The following TMEM134 variants were observed in gnomAD, a reference collection of about 807,000 sequenced individuals.
The protein encoded by TMEM134 is transmembrane protein 134.
Under a neutral mutation model 26.2 loss-of-function variants are expected in TMEM134, and 36 were observed. The ratio of observed to expected loss-of-function variants is 1.37; its 90% CI spans 1.05 to 1.81. The LOEUF (loss-of-function observed/expected upper bound fraction) is 1.81, where lower values mean the gene tolerates loss of function less well. TMEM134 is among the 40% of genes most tolerant of loss of function. TMEM134 has a pLI of 0.00. For missense variants in TMEM134, 339 were observed against 263.5 expected (o/e 1.29, Z -1.98); for synonymous variants, 133 against 113.6 (o/e 1.17, Z -1.08).
chr11:67,468,148 C>T (rs1865399700), intron 1 of TMEM134, 56 bp from the exon 2 acceptor site: 3 of 1,497,892 alleles, frequency 2.0e-6, no homozygotes, highest in African/African-American at 2.8e-5. Flanking sequence ...TTCCTCACTC[C>T]CTCCCGGGAA....
At position 67,467,364 on chromosome 11, in the gene TMEM134, C is replaced by T; in HGVS notation, c.354G>A (p.Gln118=). The T allele has an allele frequency of 6.2e-7, 1 of 1,613,870 alleles. No homozygotes were observed. The highest frequency in any genetic ancestry group is 8.5e-7 in the Non-Finnish European group (1 of 1,179,908). The change falls in exon 4 of 7, where the codon CAG becomes CAA. Residue 118 remains glutamine (Q), a synonymous_variant. Coordinates refer to ENST00000308022, the MANE Select transcript of TMEM134 (RefSeq NM_025124.4). ...CCSWTQHPLI[Q]KNRRVVLASF... is the part of the protein sequence containing the mutation. ...AGGCCAGCACCACTCGGCGGTTCTT[C>T]TGGATCAAAGGGTGTTGGGTCCAGC... is the stretch of plus-strand genomic sequence containing the variant.
rs764143262 is a variant in TMEM134, at chr11:67,469,038, T to C, written c.155A>G (p.Gln52Arg). The change falls in exon 1 of 7, where the codon CAG becomes CGG. Residue 52 changes from glutamine (Q) to arginine (R), a missense_variant. Coordinates refer to ENST00000308022, the MANE Select transcript of TMEM134 (RefSeq NM_025124.4). ...ARFEVADEDK[Q>R]SRLRYQNLEN... ...GTTCACCTGGTAGCGCAGCCGGGAC[T>C]GCTTGTCCTCGTCAGCCACCTCGAA... 2.4e-4 allele frequency: 362 copies of C among 1,513,186 alleles called. 3 individuals carry two copies. The Admixed American group carries it at 7.2e-3, about 30-fold the overall frequency. The allele number at this position is 1,513,186 out of a possible 1,614,324, so 93.7% of individuals were successfully genotyped here.
chr11:67,469,079 G>T lies in TMEM134; in HGVS notation c.114C>A (p.Phe38Leu). Residue 38 changes from phenylalanine (F) to leucine (L), a missense_variant, in exon 1 of 7, where the codon TTC (phenylalanine) becomes TTA (leucine). By Grantham distance (22) the Phe-to-Leu change is conservative. Transcript: ENST00000308022. ...SGVARFGPLHFERRARFEVAD... is the reference protein window; with the variant it reads ...SGVARFGPLHLERRARFEVAD... ...CCACCTCGAACCGGGCCCGACGCTC[G>T]AAGTGCAGCGGCCCAAAGCGCGCGA... 6.6e-7 allele frequency: 1 copy of T among 1,515,290 alleles called. No individual in the cohort carries two copies. Among genetic ancestry groups the T allele is most frequent in the Non-Finnish European group, 8.8e-7 (1 of 1,132,144 alleles). 93.9% of individuals were successfully genotyped at this position (1,515,290 alleles called of 1,614,324 possible). A position where few individuals can be genotyped will look rare whatever the true frequency, so the allele number is the denominator to read the frequency against.
chr11:67,468,879 C>A, intron 1 of TMEM134, 140 bp downstream of exon 1: 1 of 916,476 alleles, frequency 1.1e-6, no homozygotes, highest in Non-Finnish European at 1.5e-6. Context: ...GATCAAGAGT[C>A]ACGTCCGCGG....
chr11:67,464,267 G>A lies in TMEM134; in HGVS notation c.*347C>T. 2.5e-6 allele frequency: 1 copy of A among 396,654 alleles called. No homozygotes were observed. Among genetic ancestry groups the A allele is most frequent in the Non-Finnish European group, 4.7e-6 (1 of 214,610 alleles). 24.6% of individuals were successfully genotyped at this position (396,654 alleles called of 1,614,324 possible). ...GTTCGGTGGTGCTCGAAGCCCTTCAGCGTCAGGGTCAGTCCTTGGGAGGGG... is the reference window on the plus strand; with the variant it reads ...GTTCGGTGGTGCTCGAAGCCCTTCAACGTCAGGGTCAGTCCTTGGGAGGGG... On this transcript the variant is annotated 3_prime_UTR_variant, in exon 7 of 7. Coordinates refer to ENST00000308022, the MANE Select transcript of TMEM134 (RefSeq NM_025124.4).
Position 67,464,810 on chromosome 11 carries a change from C to G in TMEM134, c.498G>C (p.Val166=), listed in dbSNP as rs201625057. 3.1e-6 allele frequency: 5 copies of G among 1,609,236 alleles called. No homozygotes were observed. Among genetic ancestry groups the G allele is most frequent in the Non-Finnish European group, 4.2e-6 (5 of 1,179,298 alleles). ...CCCGGTGCCCGCTCGCACCTCCAGG[C>G]ACCAACAACAGGAAGCCCGGCACGA... is the stretch of plus-strand genomic sequence containing the variant. The part of the protein sequence containing the change: ...IFFVPGFLLL[V]PGVYHVIFIY... The change falls in exon 6 of 7, where the codon GTG becomes GTC. Residue 166 remains valine, a synonymous_variant. Coordinates refer to ENST00000308022, the MANE Select transcript of TMEM134 (RefSeq NM_025124.4).
At chr11:67,464,779 T>A in intron 6 of TMEM134, 24 bp downstream of exon 6, 2 of 1,484,942 alleles carry the variant, frequency 1.3e-6, no homozygotes, top group East Asian at 5.0e-5. Context: ...CCCCCGCCCC[T>A]TCCGCCCCGG....
At chr11:67,467,750 G>C (rs1369841770) in intron 2 of TMEM134, 160 bp from the exon 3 acceptor site, 10 of 726,996 alleles carry the variant, frequency 1.4e-5, no homozygotes, top group Non-Finnish European at 2.1e-5. Context: ...TGAATTCAGG[G>C]GCTGGGGATG....
chr11:67,462,179 A>AC lies in TMEM134; in HGVS notation c.*2434_*2435insG, dbSNP rs1266844126. ...TGAGACTCGTCTCAAAAAAAAAACA[A>AC]AAAAAAAAAAAACAAGGAGTAAAAA... On this transcript the variant is annotated 3_prime_UTR_variant, in exon 7 of 7. Transcript: ENST00000308022. 7.4e-5 allele frequency: 4 copies of AC among 53,692 alleles called. No homozygotes were observed. The highest frequency in any genetic ancestry group is 2.2e-4 in the Admixed American group (1 of 4,516). The allele number at this position is 53,692 out of a possible 1,614,324, so 3.3% of individuals were successfully genotyped here.
intron 2 of TMEM134, 122 bp downstream of exon 2, chr11:67,467,906 G>A: frequency 2.1e-6 from 2 of 954,118 alleles, no homozygotes; most frequent in Admixed American, 4.2e-5. Context: ...GTGAGGGTCA[G>A]GCTAGGAATC....
chr11:67,467,705 G>A, intron 2 of TMEM134, 115 bp from the exon 3 acceptor site: 1 of 1,070,798 alleles, frequency 9.3e-7, no homozygotes, highest in Admixed American at 1.9e-5. Context: ...CCCCTTGCAG[G>A]ATAGTGGGCC....
In TMEM134 at chr11:67,461,795, T is replaced by C. The variant is rs924622611; in HGVS notation, c.*2819A>G. 2 of 152,250 alleles carry C rather than the reference T, an allele frequency of 1.3e-5. No homozygotes were observed. Among genetic ancestry groups the C allele is most frequent in the African/African-American group, 2.4e-5 (1 of 41,466 alleles). The allele number at this position is 152,250 out of a possible 1,614,324, so 9.4% of individuals were successfully genotyped here. The stretch of plus-strand genomic sequence containing the variant: ...TTGAATTTTATATAATTTTATGTCA[T>C]AAAATCTTATTATTCTTTGACTTTT... On this transcript the variant is annotated 3_prime_UTR_variant, in exon 7 of 7. Coordinates refer to ENST00000308022, the MANE Select transcript of TMEM134 (RefSeq NM_025124.4).
chr11:67,469,200 G>T lies in TMEM134; in HGVS notation c.-8C>A, dbSNP rs1371277294. 6.2e-6 allele frequency: 8 copies of T among 1,289,772 alleles called. No homozygotes were observed. The highest frequency in any genetic ancestry group is 7.9e-6 in the Non-Finnish European group (8 of 1,013,722). 79.9% of individuals were successfully genotyped at this position (1,289,772 alleles called of 1,614,324 possible). On this transcript the variant is annotated 5_prime_UTR_variant, in exon 1 of 7. Transcript: ENST00000308022. Reference sequence around the variant, plus strand: ...GGGCCGGGCGGCGCTCATGGCCCCGGCCCGCTCAGGCGCCGTGCGCCGCCG... The same window carrying T: ...GGGCCGGGCGGCGCTCATGGCCCCGTCCCGCTCAGGCGCCGTGCGCCGCCG...
rs1865087710 is a variant in TMEM134, at chr11:67,463,935, A to AG, written c.*678dup. The AG allele has an allele frequency of 6.5e-6, 1 of 153,230 alleles. No individual in the cohort carries two copies. The highest frequency in any genetic ancestry group is 2.0e-4 in the South Asian group (1 of 5,066). The allele number at this position is 153,230 out of a possible 1,614,324, so 9.5% of individuals were successfully genotyped here. On this transcript the variant is annotated 3_prime_UTR_variant, in exon 7 of 7. Transcript: ENST00000308022. ...AACCTCTGGGACTGGGAAGGAGGGC[A>AG]GTGGGTGGAGGGGGCTGGGCCATTG...
chr11:67,469,083 T>C lies in TMEM134; in HGVS notation c.110A>G (p.His37Arg), dbSNP rs1337728218. Residue 37 changes from histidine to arginine, a missense_variant, in exon 1 of 7, where the codon CAC (histidine) becomes CGC (arginine). Coordinates refer to ENST00000308022, the MANE Select transcript of TMEM134 (RefSeq NM_025124.4). ...CTCGAACCGGGCCCGACGCTCGAAG[T>C]GCAGCGGCCCAAAGCGCGCGACCCC... ...SSGVARFGPL[H>R]FERRARFEVA... is the part of the protein sequence containing the mutation. 2 of 1,514,264 alleles carry C rather than the reference T, an allele frequency of 1.3e-6. No individual in the cohort carries two copies. Among genetic ancestry groups the C allele is most frequent in the East Asian group, 5.6e-5 (2 of 35,858 alleles). 93.8% of individuals were successfully genotyped at this position (1,514,264 alleles called of 1,614,324 possible).
Position 67,462,191 on chromosome 11 carries a change from A to AC in TMEM134, c.*2422dup, listed in dbSNP as rs1183078517. The AC allele has an allele frequency of 3.4e-5, 5 of 147,414 alleles. No individual in the cohort carries two copies. Among genetic ancestry groups the AC allele is most frequent in the African/African-American group, 1.3e-4 (5 of 39,972 alleles). 9.1% of individuals were successfully genotyped at this position (147,414 alleles called of 1,614,324 possible). ...CAAAAAAAAAACAAAAAAAAAAAAA[A>AC]CAAGGAGTAAAAAGTTGTTAGCTGC... is the stretch of plus-strand genomic sequence containing the variant. On this transcript the variant is annotated 3_prime_UTR_variant, in exon 7 of 7. Coordinates refer to ENST00000308022, the MANE Select transcript of TMEM134 (RefSeq NM_025124.4).
chr11:67,464,812 CCAA>C lies in TMEM134; in HGVS notation c.493_495del (p.Leu165del), dbSNP rs760106914. 30 of 1,609,538 alleles carry C rather than the reference CCAA, an allele frequency of 1.9e-5. No individual in the cohort carries two copies. The highest frequency in any genetic ancestry group is 6.7e-5 in the African/African-American group (5 of 74,834). ...CGGTGCCCGCTCGCACCTCCAGGCA[CCAA>C]CAACAGGAAGCCCGGCACGAAGAAG... On this transcript the variant is annotated inframe_deletion, in exon 6 of 7. Coordinates refer to ENST00000308022, the MANE Select transcript of TMEM134 (RefSeq NM_025124.4).
chr11:67,465,041 G>A lies in TMEM134; in HGVS notation c.451+15C>T, dbSNP rs372755675. On this transcript the variant is annotated intron_variant, in intron 5 of 6. Coordinates refer to ENST00000308022, the MANE Select transcript of TMEM134 (RefSeq NM_025124.4). ...AGGGGTGTCCTCTGCCTGTGGGGGC[G>A]GGAGGGTCGCTCACCTGGAGAGGGG... 40 of 1,567,734 alleles carry A rather than the reference G, an allele frequency of 2.6e-5. No individual in the cohort carries two copies. Among genetic ancestry groups the A allele is most frequent in the African/African-American group, 4.1e-5 (3 of 73,964 alleles).
At chr11:67,464,890 G>C in intron 5 of TMEM134, 34 bp from the exon 6 acceptor site, 1 of 1,607,444 alleles carries the variant, frequency 6.2e-7, no homozygotes, top group Non-Finnish European at 8.5e-7. Flanking sequence ...TCAGGGCGAG[G>C]GGGCGGAGGC....
Sources: gnomAD v4.1 joint callset for allele counts on GRCh38, gnomAD v4.1.1 for gene constraint, MANE v1.5 for transcripts, NCBI Gene and HGNC (gene_info 2026-07-23, HGNC 2026-07-21) for gene names.